The following ZNF385D variants were observed in gnomAD, a reference collection of about 807,000 sequenced individuals.
The protein encoded by ZNF385D is zinc finger protein 659.
A neutral mutation model predicts 35.8 loss-of-function variants in ZNF385D; 15 were observed. That is an observed-to-expected ratio of 0.42 (90% CI 0.28 to 0.64). ZNF385D has a LOEUF of 0.64. ZNF385D is among the 30% of genes least tolerant of loss of function. The probability of loss-of-function intolerance (pLI) is 0.23; values close to 1 mark genes in which losing one functional copy is unlikely to be tolerated. For synonymous variants in ZNF385D, 212 were observed against 186.8 expected, an observed-to-expected ratio of 1.13 and a Z score of -1.10; for missense variants, 474 against 494.6, an observed-to-expected ratio of 0.96 and a Z score of 0.39.
intron 3 of ZNF385D, among the ~76,000 whole-genome samples, chr3:21,520,356 A>C (rs184911645): frequency 6.6e-6 from 1 of 152,228 alleles, no homozygotes; most frequent in Non-Finnish European, 1.5e-5. Context: ...GATCTATCAT[A>C]CATCTCTAAA....
chr3:21,560,778 G>C (rs2125634252), intron 3 of ZNF385D, among the ~76,000 whole-genome samples: 1 of 152,276 alleles, frequency 6.6e-6, no homozygotes, highest in Admixed American at 6.5e-5. Flanking sequence ...CTGTCCCAGG[G>C]AGTTGGGGGT....
At chr3:22,276,364 C>A (rs142854170) in intron 2 of ZNF385D, among the ~76,000 whole-genome samples, 1 of 152,010 alleles carries the variant, frequency 6.6e-6, no homozygotes, top group Non-Finnish European at 1.5e-5. Context: ...TATTCAGTAA[C>A]ACTCTAACAA....
chr3:21,908,180 A>G (rs1699794945), intron 3 of ZNF385D, among the ~76,000 whole-genome samples: 1 of 151,896 alleles, frequency 6.6e-6, no homozygotes, highest in Admixed American at 6.6e-5. Context: ...CTATATATGT[A>G]TAAAGGATTC....
chr3:21,839,793 T>A (rs544068585), intron 3 of ZNF385D, among the ~76,000 whole-genome samples: 1 of 152,124 alleles, frequency 6.6e-6, no homozygotes, highest in South Asian at 2.1e-4. Flanking sequence ...ATCAAATGCC[T>A]GACCTGCACT....
chr3:21,542,495 G>A (rs887761113), intron 3 of ZNF385D, among the ~76,000 whole-genome samples: 8 of 151,994 alleles, frequency 5.3e-5, no homozygotes, highest in African/African-American at 1.9e-4. Flanking sequence ...CTACAGGTGC[G>A]CACCACCATG....
intron 3 of ZNF385D, among the ~76,000 whole-genome samples, chr3:22,037,306 G>C (rs903370010): frequency 8.3e-5 from 12 of 144,574 alleles, no homozygotes; most frequent in African/African-American, 3.0e-4. Flanking sequence ...CACAATGGTT[G>C]AACTAGTTTA....
chr3:22,354,678 T>C (rs564430324), intron 2 of ZNF385D, among the ~76,000 whole-genome samples: 1 of 152,230 alleles, frequency 6.6e-6, no homozygotes, highest in African/African-American at 2.4e-5. Flanking sequence ...GACTCCCATA[T>C]TGTTTTTATC....
intron 2 of ZNF385D, among the ~76,000 whole-genome samples, chr3:21,636,202 A>G (rs2065426780): frequency 6.6e-6 from 1 of 151,496 alleles, no homozygotes. Context: ...CATTTTCACC[A>G]CAACCACACC....
intron 3 of ZNF385D, among the ~76,000 whole-genome samples, chr3:21,852,853 A>C (rs1414395748): frequency 2.0e-5 from 3 of 151,894 alleles, no homozygotes; most frequent in African/African-American, 7.2e-5. Flanking sequence ...TTGTATTCAA[A>C]GAAATAATGT....
chr3:21,742,788 G>A (rs2125528949), intron 1 of ZNF385D, among the ~76,000 whole-genome samples: 1 of 152,244 alleles, frequency 6.6e-6, no homozygotes, highest in South Asian at 2.1e-4. Context: ...TCCCCATGTG[G>A]CTTTTCAGCT....
At chr3:21,799,018 C>G (rs1411543458) in intron 3 of ZNF385D, among the ~76,000 whole-genome samples, 1 of 152,168 alleles carries the variant, frequency 6.6e-6, no homozygotes. Flanking sequence ...TATGGATTCA[C>G]CTATCCTGAA....
At chr3:22,026,182 C>A (rs947592222) in intron 3 of ZNF385D, among the ~76,000 whole-genome samples, 2 of 152,136 alleles carry the variant, frequency 1.3e-5, no homozygotes, top group African/African-American at 2.4e-5. Context: ...GAAAAAAATT[C>A]TAGGTCAAAT....
At chr3:22,133,403 G>A (rs1404823392) in intron 3 of ZNF385D, among the ~76,000 whole-genome samples, 3 of 151,948 alleles carry the variant, frequency 2.0e-5, no homozygotes, top group Non-Finnish European at 4.4e-5. Context: ...AGGGAGGGAA[G>A]GAGAGGCAGG....
At chr3:22,150,696 CAT>C (rs377636846) in intron 3 of ZNF385D, among the ~76,000 whole-genome samples, 17 of 152,202 alleles carry the variant, frequency 1.1e-4, no homozygotes, top group African/African-American at 1.9e-4. Flanking sequence ...GTCATCAACT[CAT>C]ATATGTCTTA....
At chr3:21,936,131 TAAG>T (rs988725706) in intron 3 of ZNF385D, among the ~76,000 whole-genome samples, 19 of 151,938 alleles carry the variant, frequency 1.3e-4, no homozygotes, top group Non-Finnish European at 2.5e-4. Context: ...GAGGAGAAGA[TAAG>T]AAGATAGATC....
chr3:21,783,112 T>C (rs2071555017), intron 3 of ZNF385D, among the ~76,000 whole-genome samples: 2 of 152,172 alleles, frequency 1.3e-5, no homozygotes, highest in African/African-American at 2.4e-5. Context: ...AAGATCAACA[T>C]AGGAGGCTAA....
chr3:21,822,860 G>C (rs1249949946), intron 3 of ZNF385D, among the ~76,000 whole-genome samples: 1 of 151,776 alleles, frequency 6.6e-6, no homozygotes, highest in Non-Finnish European at 1.5e-5. Context: ...GTTATATAAA[G>C]ATCAACAGCA....
intron 3 of ZNF385D, among the ~76,000 whole-genome samples, chr3:22,076,406 T>A (rs1383710861): frequency 6.6e-6 from 1 of 151,948 alleles, no homozygotes; most frequent in Non-Finnish European, 1.5e-5. Context: ...GGCTTATTTT[T>A]TAATGAATAT....
Position 21,839,678 on chromosome 3 carries a change from T to G in ZNF385D, c.326-174650A>C, listed in dbSNP as rs150210876. Among the ~76,000 whole-genome samples the G allele has an allele frequency of 1.6e-4, 25 of 152,186 alleles. No homozygotes were observed. In the East Asian group the frequency reaches 3.9e-3, roughly 24 times the overall value. On this transcript the variant is annotated intron_variant, in intron 3 of 5. Coordinates refer to the ZNF385D transcript ENST00000494108. ...AGCTCTGACTCCAGACCACATCACT[T>G]TGCCTTCACTTTAAGACTCAGCTGA...
Sources: allele counts gnomAD v4.1 joint callset (sites outside exome capture counted in the v4.1 genomes callset), GRCh38; gene constraint gnomAD v4.1.1; transcripts MANE v1.5; gene names NCBI Gene and HGNC (gene_info 2026-07-23, HGNC 2026-07-21).